The following WASHC4 variants were observed in gnomAD, a reference collection of about 807,000 sequenced individuals.
The protein encoded by WASHC4 is WASH complex subunit 7.
A neutral mutation model predicts 166.6 loss-of-function variants in WASHC4; 86 were observed. The ratio of observed to expected loss-of-function variants is 0.52; its 90% CI spans 0.43 to 0.62. The LOEUF is 0.62. Among genes scored for constraint, WASHC4 ranks in the 20% least tolerant of loss-of-function variants. WASHC4 has a pLI of 0.00. For synonymous variants in WASHC4, 446 were observed against 451.6 expected (o/e 0.99, Z 0.16); for missense variants, 1,262 against 1,382.4 (o/e 0.91, Z 1.38).
chr12:105,131,600 T>G (rs988802166), intron 13 of WASHC4, among the ~76,000 whole-genome samples: 2 of 152,248 alleles, frequency 1.3e-5, no homozygotes, highest in African/African-American at 4.8e-5. Context: ...GGTCTCTTTC[T>G]GTGGTCCTTG....
At position 105,127,249 on chromosome 12, in the gene WASHC4, A is replaced by C; in HGVS notation, c.1159A>C (p.Arg387=). ...RKSLQAIKIH[R]DTFLQQKAQS... ...AAGTCTTCAAGCCATTAAAATACAC[A>C]GGGATACTTTTCTACAACAGAAAGC... Residue 387 remains arginine, a synonymous_variant, in exon 13 of 33, where the codon AGG becomes CGG. Transcript: ENST00000332180. The C allele has an allele frequency of 6.2e-7, 1 of 1,612,294 alleles. No individual in the cohort carries two copies. The highest frequency in any genetic ancestry group is 1.7e-4 in the Middle Eastern group (1 of 6,054).
At chr12:105,110,668 C>T (rs899032564) in intron 1 of WASHC4, among the ~76,000 whole-genome samples, 6 of 152,264 alleles carry the variant, frequency 3.9e-5, no homozygotes, top group African/African-American at 1.4e-4. Context: ...TATTATTAAA[C>T]ATTAGTGTGT....
chr12:105,112,814 G>A lies in WASHC4; in HGVS notation c.202-1402G>A, dbSNP rs571741818. 2.0e-5 allele frequency among the ~76,000 whole-genome samples: 3 copies of A among 152,212 alleles called. No homozygotes were observed. In the East Asian group the frequency reaches 5.8e-4, roughly 29 times the overall value. Reference sequence around the variant, plus strand: ...TTAATTCCCACCACAATCCTATAAAGTAGATACAATGTCATCTCCATTTGT... The same window carrying A: ...TTAATTCCCACCACAATCCTATAAAATAGATACAATGTCATCTCCATTTGT... On this transcript the variant is annotated intron_variant, in intron 2 of 32. Coordinates refer to ENST00000332180, the MANE Select transcript of WASHC4 (RefSeq NM_015275.3).
At chr12:105,133,698 G>A (rs1882061691) in intron 13 of WASHC4, 72 bp from the exon 14 acceptor site, 5 of 1,219,156 alleles carry the variant, frequency 4.1e-6, no homozygotes, top group African/African-American at 1.5e-5. Flanking sequence ...GGGAAATAAT[G>A]TACTGCAATC....
rs527383672 is a variant in WASHC4 at position 105,129,070 on chromosome 12, C to T, written c.1199+1781C>T. On this transcript the variant is annotated intron_variant, in intron 13 of 32. Transcript: ENST00000332180. ...ATGTGATTTTCCTTCCTCAGCCTCCCGAGTAGCTGGGATTACAGGCACCCA... is the reference window on the plus strand; with the variant it reads ...ATGTGATTTTCCTTCCTCAGCCTCCTGAGTAGCTGGGATTACAGGCACCCA... Among the ~76,000 whole-genome samples, 7 of 151,990 alleles carry T rather than the reference C, an allele frequency of 4.6e-5. No homozygotes were observed. In the East Asian group the frequency reaches 1.2e-3, roughly 25 times the overall value.
At chr12:105,144,666 ATTTCT>A (rs1883150208) in intron 21 of WASHC4, 47 bp from the exon 22 acceptor site, 18 of 1,522,444 alleles carry the variant, frequency 1.2e-5, no homozygotes. Context: ...TTTAGGTTTC[ATTTCT>A]TTTCCTTTTC....
At chr12:105,130,773 A>C (rs563308415) in intron 13 of WASHC4, among the ~76,000 whole-genome samples, 3 of 152,230 alleles carry the variant, frequency 2.0e-5, no homozygotes, top group Non-Finnish European at 2.9e-5. Context: ...ACTGGGGTCC[A>C]AGGTTTGTGG....
chr12:105,133,975 A>AG, intron 14 of WASHC4, 79 bp downstream of exon 14: 1 of 1,331,750 alleles, frequency 7.5e-7, no homozygotes, highest in South Asian at 1.2e-5. Context: ...AACTGAACAA[A>AG]GGGTAGAGTA....
At chr12:105,125,979 T>C (rs371238473) in intron 10 of WASHC4, 25 bp from the exon 11 acceptor site, 2 of 1,605,144 alleles carry the variant, frequency 1.2e-6, no homozygotes, top group Non-Finnish European at 1.7e-6. Context: ...GAGTCTGAAT[T>C]TCTCTTTCAA....
At chr12:105,120,401 A>G (rs576993844) in intron 7 of WASHC4, among the ~76,000 whole-genome samples, 154 bp from the exon 8 acceptor site, 86 of 152,234 alleles carry the variant, frequency 5.6e-4, no homozygotes, top group Admixed American at 2.0e-3. Context: ...TTCTTGGGAA[A>G]GTGGACTTGA....
chr12:105,123,993 A>G lies in WASHC4; in HGVS notation c.786+1755A>G, dbSNP rs568903901. Reference sequence around the variant, plus strand: ...GGCAAGACCCTTGGCCAGCAAAAAGATGATAGCTCACTGAAGGCTCAAATG... The same window carrying G: ...GGCAAGACCCTTGGCCAGCAAAAAGGTGATAGCTCACTGAAGGCTCAAATG... On this transcript the variant is annotated intron_variant, in intron 10 of 32. Coordinates refer to ENST00000332180, the MANE Select transcript of WASHC4 (RefSeq NM_015275.3). 9.8e-5 allele frequency among the ~76,000 whole-genome samples: 15 copies of G among 152,324 alleles called. No individual in the cohort carries two copies. The South Asian group carries it at 2.9e-3, about 29-fold the overall frequency.
At chr12:105,153,479 A>G (rs1055769992) in intron 26 of WASHC4, among the ~76,000 whole-genome samples, 2 of 152,244 alleles carry the variant, frequency 1.3e-5, no homozygotes, top group East Asian at 1.9e-4. Context: ...AAACCATTCA[A>G]TATTAAGTAT....
intron 28 of WASHC4, 120 bp from the exon 29 acceptor site, chr12:105,159,881 A>G: frequency 1.2e-6 from 1 of 855,094 alleles, no homozygotes; most frequent in East Asian, 2.5e-5. Flanking sequence ...AAATTTTCTT[A>G]GAAGTGTCTT....
At chr12:105,138,973 C>G (rs1200789058) in intron 15 of WASHC4, among the ~76,000 whole-genome samples, 1 of 152,118 alleles carries the variant, frequency 6.6e-6, no homozygotes, top group East Asian at 1.9e-4. Flanking sequence ...CTGTCCACCT[C>G]AGAGGAAACT....
chr12:105,118,242 A>G (rs2135732448), intron 6 of WASHC4, among the ~76,000 whole-genome samples: 1 of 152,358 alleles, frequency 6.6e-6, no homozygotes, highest in East Asian at 1.9e-4. Context: ...GTGGGAACAA[A>G]GAGATAGGAA....
intron 20 of WASHC4, 79 bp downstream of exon 20, chr12:105,143,322 A>G: frequency 2.6e-6 from 2 of 783,472 alleles, no homozygotes; most frequent in Non-Finnish European, 4.5e-6. Context: ...CGATTGAAGC[A>G]GACTCACTGA....
rs756911582 is a variant in WASHC4 at position 105,121,175 on chromosome 12, A to G, written c.636A>G (p.Thr212=). 6 of 1,604,804 alleles carry G rather than the reference A, an allele frequency of 3.7e-6. No homozygotes were observed. In the African/African-American group the frequency reaches 4.0e-5, roughly 11 times the overall value. Residue 212 remains threonine, a synonymous_variant, in exon 9 of 33, where the codon ACA becomes ACG. Coordinates refer to ENST00000332180, the MANE Select transcript of WASHC4 (RefSeq NM_015275.3). ...ATGAAATTATTGATAATCATATCAC[A>G]CTGAAAGACCACTGGACTATGTACA... The part of the protein sequence containing the change: ...TLDEIIDNHI[T]LKDHWTMYKR...
At position 105,144,473 on chromosome 12, in the gene WASHC4, C is replaced by G; in HGVS notation, c.2179+18C>G. 1 of 1,598,606 alleles carries G rather than the reference C, an allele frequency of 6.3e-7. No individual in the cohort carries two copies. Among genetic ancestry groups the G allele is most frequent in the Admixed American group, 1.7e-5 (1 of 59,692 alleles). On this transcript the variant is annotated intron_variant, in intron 21 of 32. Transcript: ENST00000332180. ...CATTCGGGGTGAGTGTTTTGCTTTCCTTCTTAGAGTCATATTCTCTTTTTT... is the reference window on the plus strand; with the variant it reads ...CATTCGGGGTGAGTGTTTTGCTTTCGTTCTTAGAGTCATATTCTCTTTTTT...
chr12:105,168,260 T>A lies in WASHC4; in HGVS notation c.*1329T>A, dbSNP rs1196872. 4 of 152,376 alleles carry A rather than the reference T, an allele frequency of 2.6e-5. No individual in the cohort carries two copies. The highest frequency in any genetic ancestry group is 5.9e-5 in the Non-Finnish European group (4 of 67,898). The allele number at this position is 152,376 out of a possible 1,614,324, so 9.4% of individuals were successfully genotyped here. A position where few individuals can be genotyped will look rare whatever the true frequency, so the allele number is the denominator to read the frequency against. On this transcript the variant is annotated 3_prime_UTR_variant, in exon 33 of 33. Coordinates refer to ENST00000332180, the MANE Select transcript of WASHC4 (RefSeq NM_015275.3). Reference sequence around the variant, plus strand: ...GCCAGCCCAAGATAAATACTTTAATTGTTAAAAGTCAGAAGAGACAGAATA... The same window carrying A: ...GCCAGCCCAAGATAAATACTTTAATAGTTAAAAGTCAGAAGAGACAGAATA...
Sources: gnomAD v4.1 joint callset for allele counts (sites outside exome capture counted in the v4.1 genomes callset) on GRCh38, gnomAD v4.1.1 for gene constraint, MANE v1.5 for transcripts, NCBI Gene and HGNC (gene_info 2026-07-23, HGNC 2026-07-21) for gene names.